The following GNAI3 variants were observed in gnomAD, a reference collection of about 807,000 sequenced individuals.
The protein encoded by GNAI3 is G protein subunit alpha i3, also known as guanine nucleotide-binding protein G(i) subunit alpha-3.
GNAI3 carries 12 observed loss-of-function variants against 41.8 expected under a neutral mutation model. The ratio of observed to expected loss-of-function variants is 0.29; its 90% CI spans 0.18 to 0.47. The LOEUF (loss-of-function observed/expected upper bound fraction) is 0.47, where lower values mean the gene tolerates loss of function less well. Among genes scored for constraint, GNAI3 ranks in the 20% least tolerant of loss-of-function variants. The pLI is 1.00. For missense variants in GNAI3, 360 were observed against 429.6 expected, an observed-to-expected ratio of 0.84 and a Z score of 1.43; for synonymous variants, 132 against 146.5, an observed-to-expected ratio of 0.90 and a Z score of 0.71.
At chr1:109,586,427 C>T in intron 6 of GNAI3, 82 bp downstream of exon 6, 2 of 1,341,730 alleles carry the variant, frequency 1.5e-6, no homozygotes, top group Non-Finnish European at 2.1e-6. Context: ...TATCTGCATC[C>T]ATTTCCTCAT....
chr1:109,595,217 AAAG>A lies in GNAI3; in HGVS notation c.*2902_*2904del, dbSNP rs1371758675. The A allele has an allele frequency of 1.3e-5, 2 of 152,212 alleles. No individual in the cohort carries two copies. Among genetic ancestry groups the A allele is most frequent in the African/African-American group, 2.4e-5 (1 of 41,448 alleles). 9.4% of individuals were successfully genotyped at this position (152,212 alleles called of 1,614,324 possible). A position where few individuals can be genotyped will look rare whatever the true frequency, so the allele number is the denominator to read the frequency against. ...TCAAAGAAGCCATTAGTCTCTGTGT[AAAG>A]AAGAAGTATTCTTAATGGACAGTCC... On this transcript the variant is annotated 3_prime_UTR_variant, in exon 9 of 9. Transcript: ENST00000369851.
intron 4 of GNAI3, among the ~76,000 whole-genome samples, chr1:109,581,764 C>G (rs905557119): frequency 6.6e-6 from 1 of 151,918 alleles, no homozygotes; most frequent in African/African-American, 2.4e-5. Context: ...TGGCGGGCAC[C>G]TGTAATCCCA....
At chr1:109,574,083 A>C (rs780438911) in intron 3 of GNAI3, 46 bp downstream of exon 3, 1 of 1,506,102 alleles carries the variant, frequency 6.6e-7, no homozygotes, top group Non-Finnish European at 9.0e-7. Context: ...TTCAGCAGAT[A>C]CAGTTAAGTT....
intron 1 of GNAI3, among the ~76,000 whole-genome samples, chr1:109,555,836 C>G (rs1648124748): frequency 6.6e-6 from 1 of 152,122 alleles, no homozygotes; most frequent in South Asian, 2.1e-4. Context: ...TCTGCATCCT[C>G]TAGCTTGGGA....
chr1:109,573,719 G>C lies in GNAI3; in HGVS notation c.119-18G>C. 2 of 1,585,650 alleles carry C rather than the reference G, an allele frequency of 1.3e-6. No homozygotes were observed. The highest frequency in any genetic ancestry group is 1.1e-5 in the South Asian group (1 of 90,404). Reference sequence around the variant, plus strand: ...TTGATTACCGAGAAATTCAAAGTCTGGTTTTCTTTTCTTACAGGTGCTGGA... The same window carrying C: ...TTGATTACCGAGAAATTCAAAGTCTCGTTTTCTTTTCTTACAGGTGCTGGA... On this transcript the variant is annotated intron_variant, in intron 1 of 8. Transcript: ENST00000369851.
At chr1:109,555,965 TG>T in intron 1 of GNAI3, among the ~76,000 whole-genome samples, 1 of 99,390 alleles carries the variant, frequency 1.0e-5, no homozygotes, top group Non-Finnish European at 1.9e-5. Context: ...CGTGCGTGCG[TG>T]TGTGTGTGTG....
Position 109,594,607 on chromosome 1 carries a change from A to G in GNAI3, c.*2285A>G, listed in dbSNP as rs1257981985. 6.6e-6 allele frequency: 1 copy of G among 150,846 alleles called. No individual in the cohort carries two copies. Among genetic ancestry groups the G allele is most frequent in the East Asian group, 1.9e-4 (1 of 5,144 alleles). 9.3% of individuals were successfully genotyped at this position (150,846 alleles called of 1,614,324 possible). A position where few individuals can be genotyped will look rare whatever the true frequency, so the allele number is the denominator to read the frequency against. On this transcript the variant is annotated 3_prime_UTR_variant, in exon 9 of 9. Transcript: ENST00000369851. Reference sequence around the variant, plus strand: ...ACTTAAGTAAAAATCACTTGGACCCATCTAAGGGATTGACTTTTGGCTGGT... The same window carrying G: ...ACTTAAGTAAAAATCACTTGGACCCGTCTAAGGGATTGACTTTTGGCTGGT...
chr1:109,575,598 A>C (rs1452993437), intron 3 of GNAI3, among the ~76,000 whole-genome samples: 1 of 125,362 alleles, frequency 8.0e-6, no homozygotes, highest in Non-Finnish European at 1.6e-5. Flanking sequence ...GCTGGAATGC[A>C]ATGGCTGGCT....
In GNAI3 at chr1:109,559,246, C is replaced by T. The variant is rs1027850860; in HGVS notation, c.118+10408C>T. Among the ~76,000 whole-genome samples, 6 of 152,008 alleles carry T rather than the reference C, an allele frequency of 3.9e-5. No homozygotes were observed. In the South Asian group the frequency reaches 6.3e-4, roughly 16 times the overall value. Reference sequence around the variant, plus strand: ...GAGCAGTCTGCACTAAATTTGTTCACGTTACTGAAGTTCATTTTTAAAATT... The same window carrying T: ...GAGCAGTCTGCACTAAATTTGTTCATGTTACTGAAGTTCATTTTTAAAATT... On this transcript the variant is annotated intron_variant, in intron 1 of 8. Coordinates refer to ENST00000369851, the MANE Select transcript of GNAI3 (RefSeq NM_006496.4).
intron 1 of GNAI3, among the ~76,000 whole-genome samples, chr1:109,570,197 T>A (rs1648555822): frequency 6.6e-6 from 1 of 152,216 alleles, no homozygotes. Context: ...TACCCCTGAT[T>A]ATCGATTATG....
chr1:109,591,547 G>T (rs183132270), intron 7 of GNAI3: 20 of 726,306 alleles, frequency 2.8e-5, no homozygotes, highest in South Asian at 2.4e-4. Flanking sequence ...AATATGGAAC[G>T]CTTCACGAAT....
rs986868516 is a variant in GNAI3 at position 109,563,389 on chromosome 1, GACAA to G, written c.119-10334_119-10331del. On this transcript the variant is annotated intron_variant, in intron 1 of 8. Transcript: ENST00000369851. ...GACAGAGCAAGACACTGTCTCAGAA[GACAA>G]ACAAACAAACAAAAAACGTTGAGGC... Among the ~76,000 whole-genome samples the G allele has an allele frequency of 1.2e-4, 19 of 152,172 alleles. No individual in the cohort carries two copies. The South Asian group carries it at 3.1e-3, about 25-fold the overall frequency.
At chr1:109,572,310 A>T (rs1014842653) in intron 1 of GNAI3, among the ~76,000 whole-genome samples, 1 of 151,954 alleles carries the variant, frequency 6.6e-6, no homozygotes, top group Non-Finnish European at 1.5e-5. Flanking sequence ...ACTCCATCTC[A>T]AATAATAATA....
chr1:109,550,149 A>G (rs1290433350), intron 1 of GNAI3, among the ~76,000 whole-genome samples: 1 of 152,194 alleles, frequency 6.6e-6, no homozygotes, highest in African/African-American at 2.4e-5. Context: ...TCATGGTATA[A>G]AGCTCCAGAG....
At position 109,582,489 on chromosome 1, in the gene GNAI3, C is replaced by G; in HGVS notation, c.514C>G (p.Gln172Glu). 2 of 1,595,446 alleles carry G rather than the reference C, an allele frequency of 1.3e-6. No individual in the cohort carries two copies. Among genetic ancestry groups the G allele is most frequent in the Non-Finnish European group, 1.7e-6 (2 of 1,162,936 alleles). ...CCAGTCTAACTACATTCCAACTCAG[C>G]AAGATGTTCTTCGGACGAGAGTGAA... ...ISQSNYIPTQQDVLRTRVKTT... is the reference protein window; with the variant it reads ...ISQSNYIPTQEDVLRTRVKTT... Residue 172 changes from glutamine (Q) to glutamate (E), a missense_variant, in exon 5 of 9, where the codon CAA (glutamine) becomes GAA (glutamate). Physicochemically the swap from Gln to Glu is conservative, Grantham distance 29 (BLOSUM62 2). Transcript: ENST00000369851.
rs1338857206 is a variant in GNAI3, at chr1:109,579,302, T to C, written c.402T>C (p.Gly134=). 1 of 1,613,492 alleles carries C rather than the reference T, an allele frequency of 6.2e-7. No individual in the cohort carries two copies. The highest frequency in any genetic ancestry group is 8.5e-7 in the Non-Finnish European group (1 of 1,179,612). ...AGVIKRLWRD[G]GVQACFSRSR... is the part of the protein sequence containing the mutation. ...TGATTAAACGGTTATGGCGAGATGGTGGGGTACAAGCTTGCTTCAGCAGAT... is the reference window on the plus strand; with the variant it reads ...TGATTAAACGGTTATGGCGAGATGGCGGGGTACAAGCTTGCTTCAGCAGAT... Residue 134 remains glycine, a synonymous_variant, in exon 4 of 9, where the codon GGT becomes GGC. Transcript: ENST00000369851.
At chr1:109,581,228 C>T (rs1257379889) in intron 4 of GNAI3, among the ~76,000 whole-genome samples, 2 of 151,826 alleles carry the variant, frequency 1.3e-5, no homozygotes, top group Non-Finnish European at 2.9e-5. Flanking sequence ...AATTATTTCC[C>T]TGAACAAATT....
At chr1:109,565,135 G>T (rs1648416303) in intron 1 of GNAI3, among the ~76,000 whole-genome samples, 1 of 151,760 alleles carries the variant, frequency 6.6e-6, no homozygotes, top group Admixed American at 6.6e-5. Flanking sequence ...GTGGTGGCAG[G>T]CACCTGTAAT....
intron 3 of GNAI3, among the ~76,000 whole-genome samples, chr1:109,575,490 C>T (rs1648713122): frequency 6.6e-6 from 1 of 150,832 alleles, no homozygotes; most frequent in Non-Finnish European, 1.5e-5. Context: ...AATTTTATTC[C>T]CCGCCGTCTG....
Sources: gnomAD v4.1 joint callset for allele counts (sites outside exome capture counted in the v4.1 genomes callset) on GRCh38, gnomAD v4.1.1 for gene constraint, MANE v1.5 for transcripts, NCBI Gene and HGNC (gene_info 2026-07-23, HGNC 2026-07-21) for gene names.